RBMS3: variants seen among roughly 807,000 people sequenced by gnomAD.
RBMS3 encodes the protein RNA-binding motif, single-stranded-interacting protein 3.
In RBMS3, 27 loss-of-function variants were observed where a neutral mutation model predicts 66.8. The ratio of observed to expected loss-of-function variants is 0.40; its 90% CI spans 0.30 to 0.56. The LOEUF (loss-of-function observed/expected upper bound fraction) is 0.56. Among genes scored for constraint, RBMS3 ranks in the 20% least tolerant of loss-of-function variants. The probability of loss-of-function intolerance (pLI) is 0.40; values close to 1 mark genes in which losing one functional copy is unlikely to be tolerated. For missense variants in RBMS3, 513 were observed against 549.5 expected, an observed-to-expected ratio of 0.93 and a Z score of 0.66; for synonymous variants, 188 against 183.0, an observed-to-expected ratio of 1.03 and a Z score of -0.22.
intron 3 of RBMS3, among the ~76,000 whole-genome samples, chr3:29,549,122 C>A (rs999244305): frequency 2.0e-4 from 22 of 108,636 alleles, no homozygotes; most frequent in Non-Finnish European, 2.1e-4. Context: ...ATACTTATAT[C>A]TTCCTTATGG....
At chr3:29,664,152 C>G (rs1008878433) in intron 4 of RBMS3, among the ~76,000 whole-genome samples, 1 of 152,022 alleles carries the variant, frequency 6.6e-6, no homozygotes, top group African/African-American at 2.4e-5. Context: ...ATCTGAGATT[C>G]TGGATTTAAG....
intron 3 of RBMS3, among the ~76,000 whole-genome samples, chr3:29,533,735 C>A (rs954770766): frequency 6.6e-6 from 1 of 152,150 alleles, no homozygotes. Flanking sequence ...CAAGACTGCA[C>A]CACTGCACTC....
At chr3:29,670,333 A>C (rs1487930589) in intron 4 of RBMS3, among the ~76,000 whole-genome samples, 2 of 152,172 alleles carry the variant, frequency 1.3e-5, no homozygotes, top group African/African-American at 4.8e-5. Flanking sequence ...AGCTCCCAGC[A>C]TGAGCGACGC....
At chr3:29,744,217 C>A (rs570501259) in intron 5 of RBMS3, among the ~76,000 whole-genome samples, 2 of 152,148 alleles carry the variant, frequency 1.3e-5, no homozygotes, top group South Asian at 4.1e-4. Flanking sequence ...GGGTAGAGGC[C>A]ATGCCTTCTT....
intron 3 of RBMS3, among the ~76,000 whole-genome samples, chr3:29,534,196 T>G (rs1187712048): frequency 2.0e-5 from 3 of 152,236 alleles, no homozygotes; most frequent in Non-Finnish European, 4.4e-5. Context: ...CTCAGCAGTG[T>G]GGGGACAAAG....
chr3:29,392,653 A>T (rs1191947564), intron 1 of RBMS3, among the ~76,000 whole-genome samples: 1 of 152,208 alleles, frequency 6.6e-6, no homozygotes, highest in Non-Finnish European at 1.5e-5. Flanking sequence ...AAAATTGCAA[A>T]TAACAAAATA....
At chr3:29,745,022 G>A (rs977869000) in intron 5 of RBMS3, among the ~76,000 whole-genome samples, 13 of 151,818 alleles carry the variant, frequency 8.6e-5, no homozygotes, top group South Asian at 2.1e-4. Context: ...GAACCCCCCC[G>A]CCTCAATTAT....
chr3:29,797,483 G>T (rs1262148760), intron 6 of RBMS3, among the ~76,000 whole-genome samples: 1 of 152,132 alleles, frequency 6.6e-6, no homozygotes, highest in Non-Finnish European at 1.5e-5. Context: ...TCAGCAATAA[G>T]GTGGTTTTGC....
chr3:29,729,024 T>C, intron 4 of RBMS3, among the ~76,000 whole-genome samples: 1 of 152,182 alleles, frequency 6.6e-6, no homozygotes, highest in East Asian at 1.9e-4. Flanking sequence ...AGGGTACATG[T>C]GCACAACGTG....
At position 29,891,952 on chromosome 3, in the gene RBMS3, T is replaced by G. The variant is rs963081431; in HGVS notation, c.792-5427T>G. Among the ~76,000 whole-genome samples the G allele has an allele frequency of 4.0e-5, 6 of 151,672 alleles. No individual in the cohort carries two copies. The South Asian group carries it at 6.2e-4, about 16-fold the overall frequency. ...GAAACACAAGCCAGTGCTGTTTATT[T>G]CAATATGTAAATAGGATTTGCTTTT... On this transcript the variant is annotated intron_variant, in intron 8 of 14. Coordinates refer to ENST00000383767, the MANE Select transcript of RBMS3 (RefSeq NM_001003793.3).
At chr3:29,889,297 A>G (rs1297320729) in intron 8 of RBMS3, among the ~76,000 whole-genome samples, 1 of 151,722 alleles carries the variant, frequency 6.6e-6, no homozygotes, top group African/African-American at 2.4e-5. Flanking sequence ...TATGGGTATC[A>G]GTAACTACGT....
At chr3:29,588,738 A>G (rs1422775348) in intron 4 of RBMS3, among the ~76,000 whole-genome samples, 1 of 152,072 alleles carries the variant, frequency 6.6e-6, no homozygotes. Context: ...AGCATTTTTA[A>G]TTAATAAGGA....
intron 1 of RBMS3, among the ~76,000 whole-genome samples, chr3:29,387,644 T>G (rs2039068164): frequency 1.3e-5 from 2 of 152,140 alleles, no homozygotes; most frequent in Admixed American, 1.3e-4. Flanking sequence ...GGCTCACACC[T>G]GTAATCCCAG....
chr3:29,498,680 C>T (rs1277721588), intron 3 of RBMS3, among the ~76,000 whole-genome samples: 1 of 152,166 alleles, frequency 6.6e-6, no homozygotes, highest in Admixed American at 6.5e-5. Context: ...AGGTTATCTA[C>T]ACCTGCAATA....
At position 29,338,686 on chromosome 3, in the gene RBMS3, C is replaced by T. The variant is rs1001295176; in HGVS notation, c.75+56930C>T. Among the ~76,000 whole-genome samples, 602 of 101,104 alleles carry T rather than the reference C, an allele frequency of 6.0e-3. 3 individuals carry two copies. Among genetic ancestry groups the T allele is most frequent in the African/African-American group, 0.019 (540 of 28,426 alleles). The allele number at this position is 101,104 out of a possible 152,430, so 66.3% of individuals were successfully genotyped here. Reference sequence around the variant, plus strand: ...TCTCCTCTCCTCTCCTCCTCCTCTCCTCTCCTCTCCTCCTCCTCTCCTCTC... The same window carrying T: ...TCTCCTCTCCTCTCCTCCTCCTCTCTTCTCCTCTCCTCCTCCTCTCCTCTC... On this transcript the variant is annotated intron_variant, in intron 1 of 14. Coordinates refer to ENST00000383767, the MANE Select transcript of RBMS3 (RefSeq NM_001003793.3).
At chr3:29,440,976 T>C (rs115825177) in intron 2 of RBMS3, among the ~76,000 whole-genome samples, 57 of 152,334 alleles carry the variant, frequency 3.7e-4, no homozygotes, top group African/African-American at 1.3e-3. Flanking sequence ...AAGAAAAATG[T>C]GACTGGAAAT....
At chr3:29,639,467 G>T (rs1576416436) in intron 4 of RBMS3, among the ~76,000 whole-genome samples, 2 of 151,804 alleles carry the variant, frequency 1.3e-5, no homozygotes, top group Middle Eastern at 6.8e-3. Context: ...CATCTGTAAG[G>T]TTGAATTTAC....
At chr3:29,997,243 C>T (rs1002834766) in intron 14 of RBMS3, among the ~76,000 whole-genome samples, 2 of 152,034 alleles carry the variant, frequency 1.3e-5, no homozygotes, top group Non-Finnish European at 2.9e-5. Context: ...CTGAATAGAC[C>T]AATAACAGGA....
chr3:29,775,890 T>C (rs1404655860), intron 6 of RBMS3, among the ~76,000 whole-genome samples: 1 of 152,104 alleles, frequency 6.6e-6, no homozygotes, highest in African/African-American at 2.4e-5. Context: ...CACATAATCA[T>C]GATTTCATTA....
Sources: gnomAD v4.1 joint callset for allele counts (sites outside exome capture counted in the v4.1 genomes callset) on GRCh38, gnomAD v4.1.1 for gene constraint, MANE v1.5 for transcripts, NCBI Gene and HGNC (gene_info 2026-07-23, HGNC 2026-07-21) for gene names.